Variants in SLC9A5 observed in about 807,000 individuals in gnomAD.
The protein encoded by SLC9A5 is sodium/hydrogen exchanger 5.
In SLC9A5, 52 loss-of-function variants were observed where a neutral mutation model predicts 91.7. The ratio of observed to expected loss-of-function variants is 0.57; its 90% CI spans 0.45 to 0.71. The LOEUF (loss-of-function observed/expected upper bound fraction) is 0.71, where lower values mean the gene tolerates loss of function less well. SLC9A5 is among the 30% of genes least tolerant of loss of function. SLC9A5 has a pLI of 0.00. For synonymous variants in SLC9A5, 419 were observed against 474.5 expected, an observed-to-expected ratio of 0.88 and a Z score of 1.52; for missense variants, 871 against 1,158.9, an observed-to-expected ratio of 0.75 and a Z score of 3.61.
chr16:67,261,785 G>C (rs1385617013), intron 12 of SLC9A5: 1 of 152,318 alleles, frequency 6.6e-6, no homozygotes, highest in Non-Finnish European at 1.5e-5. Flanking sequence ...CTGTATTCCA[G>C]TGGTGTTGTT....
chr16:67,261,956 G>GTGTA, intron 12 of SLC9A5: 1 of 269,600 alleles, frequency 3.7e-6, no homozygotes, highest in Non-Finnish European at 7.5e-6. Context: ...GTGTGTGTGT[G>GTGTA]TGTATGTGGT....
rs1029974507 is a variant in SLC9A5 at position 67,264,523 on chromosome 16, G to A, written c.2013+1G>A. 2 of 1,613,910 alleles carry A rather than the reference G, an allele frequency of 1.2e-6. No individual in the cohort carries two copies. Among genetic ancestry groups the A allele is most frequent in the Non-Finnish European group, 1.7e-6 (2 of 1,179,874 alleles). ...ACCCCGCAAGACTGGCCGCAGGAAG[G>A]CATGTCTTCCCTCAGGGACTCCTCT... On this transcript the variant is annotated splice_donor_variant, in intron 13 of 15. Transcript: ENST00000299798. LOFTEE classifies it high-confidence loss of function.
intron 14 of SLC9A5, among the ~76,000 whole-genome samples, chr16:67,265,567 C>T (rs531111306): frequency 5.3e-5 from 8 of 152,302 alleles, no homozygotes; most frequent in South Asian, 2.1e-4. Flanking sequence ...TACATGTGCA[C>T]GCCACCACAC....
At chr16:67,264,200 T>C in intron 12 of SLC9A5, 152 bp from the exon 13 acceptor site, 3 of 650,912 alleles carry the variant, frequency 4.6e-6, no homozygotes, top group South Asian at 3.9e-5. Context: ...TGGGTTCCTG[T>C]TGTATTTTTT....
chr16:67,268,951 A>G (rs2035834054), intron 15 of SLC9A5, among the ~76,000 whole-genome samples: 1 of 151,680 alleles, frequency 6.6e-6, no homozygotes, highest in African/African-American at 2.4e-5. Context: ...CAAAATGTCA[A>G]GTGTCAACTT....
Position 67,255,338 on chromosome 16 carries a change from G to A in SLC9A5, c.655-55G>A, listed in dbSNP as rs2035272364. On this transcript the variant is annotated intron_variant, in intron 3 of 15. Coordinates refer to ENST00000299798, the MANE Select transcript of SLC9A5 (RefSeq NM_004594.3). The surrounding 1 kb of genome is among the most constrained non-coding windows in gnomAD (Gnocchi z 4.9). ...TGCTCTCCCAGCAGTCTGTCTCCCA[G>A]CAGTCCCAGTTGCTGCCTTCCCGCC... 1.9e-6 allele frequency: 3 copies of A among 1,563,918 alleles called. No homozygotes were observed. The highest frequency in any genetic ancestry group is 2.6e-6 in the Non-Finnish European group (3 of 1,138,350).
At chr16:67,261,694 CTCTA>C (rs1244952071) in intron 12 of SLC9A5, 1 of 152,228 alleles carries the variant, frequency 6.6e-6, no homozygotes, top group Admixed American at 6.5e-5. Flanking sequence ...TTTTTCCCCT[CTCTA>C]TCTCCCTTGC....
Position 67,271,512 on chromosome 16 carries a change from C to A in SLC9A5, c.*302C>A, listed in dbSNP as rs1050834296. ...GACTTGGGTTGCTGGTCCCCCTTCCCTAGTGGGTTTTCCCGGGGACTCTAT... is the reference window on the plus strand; with the variant it reads ...GACTTGGGTTGCTGGTCCCCCTTCCATAGTGGGTTTTCCCGGGGACTCTAT... On this transcript the variant is annotated 3_prime_UTR_variant, in exon 16 of 16. Transcript: ENST00000299798. 3.3e-5 allele frequency: 14 copies of A among 421,148 alleles called. No individual in the cohort carries two copies. In the East Asian group the frequency reaches 5.6e-4, roughly 17 times the overall value. The allele number at this position is 421,148 out of a possible 1,614,324, so 26.1% of individuals were successfully genotyped here.
Position 67,256,081 on chromosome 16 carries a change from T to A in SLC9A5, c.911+151T>A. The A allele has an allele frequency of 1.2e-6, 1 of 827,382 alleles. No individual in the cohort carries two copies. The highest frequency in any genetic ancestry group is 1.9e-6 in the Non-Finnish European group (1 of 537,558). The allele number at this position is 827,382 out of a possible 1,614,324, so 51.3% of individuals were successfully genotyped here. A position where few individuals can be genotyped will look rare whatever the true frequency, so the allele number is the denominator to read the frequency against. ...GCCTCAGACTGTCCTGGGGAGTCAGTAAACCTCAGCAATATTTCAGGAGCT... is the reference window on the plus strand; with the variant it reads ...GCCTCAGACTGTCCTGGGGAGTCAGAAAACCTCAGCAATATTTCAGGAGCT... On this transcript the variant is annotated intron_variant, in intron 5 of 15. Transcript: ENST00000299798. This position sits in a 1 kb window ranked among gnomAD's most constrained non-coding sequence, Gnocchi z 4.1.
chr16:67,257,628 C>G lies in SLC9A5; in HGVS notation c.1496+27C>G. 1 of 1,606,344 alleles carries G rather than the reference C, an allele frequency of 6.2e-7. No homozygotes were observed. Among genetic ancestry groups the G allele is most frequent in the South Asian group, 1.1e-5 (1 of 90,894 alleles). ...TGAGGGAGCTGCCCCGAGGCTCCTT[C>G]AGCAGCAGCAGCCCCACCAGCCAGG... is the stretch of plus-strand genomic sequence containing the variant. On this transcript the variant is annotated intron_variant, in intron 9 of 15. Transcript: ENST00000299798. This position sits in a 1 kb window ranked among gnomAD's most constrained non-coding sequence, Gnocchi z 5.1.
Position 67,258,470 on chromosome 16 carries a change from G to A in SLC9A5, c.1626+23G>A. 1 of 1,613,830 alleles carries A rather than the reference G, an allele frequency of 6.2e-7. No homozygotes were observed. Among genetic ancestry groups the A allele is most frequent in the Admixed American group, 1.7e-5 (1 of 60,030 alleles). ...CAGGTGGGCCAGCAGCTTCCAGGTGGGCCAGTGGTGGGTGGGCAGATGGTC... is the reference window on the plus strand; with the variant it reads ...CAGGTGGGCCAGCAGCTTCCAGGTGAGCCAGTGGTGGGTGGGCAGATGGTC... On this transcript the variant is annotated intron_variant, in intron 10 of 15. Transcript: ENST00000299798. This position sits in a 1 kb window ranked among gnomAD's most constrained non-coding sequence, Gnocchi z 4.5.
Position 67,257,329 on chromosome 16 carries a change from T to A in SLC9A5, c.1336-16T>A, listed in dbSNP as rs765411607. 6.2e-7 allele frequency: 1 copy of A among 1,601,106 alleles called. No individual in the cohort carries two copies. Among genetic ancestry groups the A allele is most frequent in the South Asian group, 1.1e-5 (1 of 90,838 alleles). Reference sequence around the variant, plus strand: ...GAATAGGAATAGGGCAGGGCTCACCTCCTGCCTGTCCATAGGGCTTGACCA... The same window carrying A: ...GAATAGGAATAGGGCAGGGCTCACCACCTGCCTGTCCATAGGGCTTGACCA... On this transcript the variant is annotated splice_polypyrimidine_tract_variant and intron_variant, in intron 7 of 15. Transcript: ENST00000299798. This position sits in a 1 kb window ranked among gnomAD's most constrained non-coding sequence, Gnocchi z 5.1.
At position 67,257,895 on chromosome 16, in the gene SLC9A5, C is replaced by T. The variant is rs1467853440; in HGVS notation, c.1496+294C>T. Among the ~76,000 whole-genome samples the T allele has an allele frequency of 6.6e-6, 1 of 152,240 alleles. No homozygotes were observed. Among genetic ancestry groups the T allele is most frequent in the Non-Finnish European group, 1.5e-5 (1 of 68,052 alleles). On this transcript the variant is annotated intron_variant, in intron 9 of 15. Transcript: ENST00000299798. The surrounding 1 kb of genome is among the most constrained non-coding windows in gnomAD (Gnocchi z 5.1). ...GACCCTGTCTTAGATCCTCAGGACC[C>T]ACCATGCTCCCCCAGCCTGGCCACT... is the stretch of plus-strand genomic sequence containing the variant.
Position 67,257,212 on chromosome 16 carries a change from G to A in SLC9A5, c.1335+99G>A, listed in dbSNP as rs1413624753. The A allele has an allele frequency of 6.4e-6, 9 of 1,406,374 alleles. No individual in the cohort carries two copies. The Admixed American group carries it at 7.1e-5, about 11-fold the overall frequency. 87.1% of individuals were successfully genotyped at this position (1,406,374 alleles called of 1,614,324 possible). A position where few individuals can be genotyped will look rare whatever the true frequency, so the allele number is the denominator to read the frequency against. ...GGGGCTTCTCTTCCCGCTGGGAGATGGAGGGCCCTGACTTCCCAGACCTTG... is the reference window on the plus strand; with the variant it reads ...GGGGCTTCTCTTCCCGCTGGGAGATAGAGGGCCCTGACTTCCCAGACCTTG... On this transcript the variant is annotated intron_variant, in intron 7 of 15. Transcript: ENST00000299798. The surrounding 1 kb of genome is among the most constrained non-coding windows in gnomAD (Gnocchi z 5.1).
chr16:67,264,555 C>T, intron 13 of SLC9A5, 33 bp downstream of exon 13: 1 of 1,610,242 alleles, frequency 6.2e-7, no homozygotes, highest in Non-Finnish European at 8.5e-7. Flanking sequence ...CTCTTGGGAG[C>T]TGGAGGCTGA....
rs1012845771 is a variant in SLC9A5, at chr16:67,252,587, G to A, written c.233G>A (p.Cys78Tyr). The A allele has an allele frequency of 6.2e-7, 1 of 1,613,918 alleles. No homozygotes were observed. Among genetic ancestry groups the A allele is most frequent in the Non-Finnish European group, 8.5e-7 (1 of 1,180,008 alleles). Reference protein sequence around the residue: ...RKVTSLVPESCLLILLGLVLG... With the variant: ...RKVTSLVPESYLLILLGLVLG... Reference sequence around the variant, plus strand: ...GTAACATCTCTGGTCCCTGAGAGCTGCCTGCTGATTTTGCTGGGCCTGGTG... The same window carrying A: ...GTAACATCTCTGGTCCCTGAGAGCTACCTGCTGATTTTGCTGGGCCTGGTG... The change falls in exon 2 of 16, where the codon TGC becomes TAC. Residue 78 changes from cysteine to tyrosine, a missense_variant. Cys to Tyr is a radical substitution (Grantham distance 194, BLOSUM62 -2). Around this residue, in one of 3 missense-constraint regions of SLC9A5, gnomAD observed 122 missense variants for 114.5 expected, o/e 1.07. Transcript: ENST00000299798. The surrounding 1 kb of genome is among the most constrained non-coding windows in gnomAD (Gnocchi z 4.0).
In SLC9A5 at chr16:67,271,264, G is replaced by A; in HGVS notation, c.*54G>A. On this transcript the variant is annotated 3_prime_UTR_variant, in exon 16 of 16. Transcript: ENST00000299798. Reference sequence around the variant, plus strand: ...GGAATCCCTGTGGGAAGTGCTCCCTGGGTGATGGGTAGAGCCCTCGAAACT... The same window carrying A: ...GGAATCCCTGTGGGAAGTGCTCCCTAGGTGATGGGTAGAGCCCTCGAAACT... The A allele has an allele frequency of 1.4e-6, 2 of 1,468,028 alleles. No individual in the cohort carries two copies. The highest frequency in any genetic ancestry group is 1.9e-6 in the Non-Finnish European group (2 of 1,074,492). The allele number at this position is 1,468,028 out of a possible 1,614,324, so 90.9% of individuals were successfully genotyped here. A position where few individuals can be genotyped will look rare whatever the true frequency, so the allele number is the denominator to read the frequency against.
chr16:67,256,436 C>T lies in SLC9A5; in HGVS notation c.912-33C>T, dbSNP rs1174663118. Reference sequence around the variant, plus strand: ...GGAGGCTGAGCCCCCTGGAACCCTTCCCCACTTGCCATGTCTCTCCATCCT... The same window carrying T: ...GGAGGCTGAGCCCCCTGGAACCCTTTCCCACTTGCCATGTCTCTCCATCCT... On this transcript the variant is annotated intron_variant, in intron 5 of 15. Coordinates refer to ENST00000299798, the MANE Select transcript of SLC9A5 (RefSeq NM_004594.3). This position sits in a 1 kb window ranked among gnomAD's most constrained non-coding sequence, Gnocchi z 4.1. 14 of 1,506,842 alleles carry T rather than the reference C, an allele frequency of 9.3e-6. No individual in the cohort carries two copies. Among genetic ancestry groups the T allele is most frequent in the Non-Finnish European group, 1.3e-5 (14 of 1,092,804 alleles). The allele number at this position is 1,506,842 out of a possible 1,614,324, so 93.3% of individuals were successfully genotyped here.
rs1371109669 is a variant in SLC9A5 at position 67,252,150 on chromosome 16, T to C, written c.188-392T>C. On this transcript the variant is annotated intron_variant, in intron 1 of 15. Transcript: ENST00000299798. The surrounding 1 kb of genome is among the most constrained non-coding windows in gnomAD (Gnocchi z 4.0). ...GTCTTGCATATTTCTCCTCCCTTGG[T>C]CCCAGTCTTAGAAGGTTGGCCAGGC... Among the ~76,000 whole-genome samples the C allele has an allele frequency of 6.6e-6, 1 of 152,104 alleles. No homozygotes were observed. The highest frequency in any genetic ancestry group is 1.5e-5 in the Non-Finnish European group (1 of 68,024).
Sources: gnomAD v4.1 joint callset for allele counts (sites outside exome capture counted in the v4.1 genomes callset) on GRCh38, gnomAD v4.1.1 for gene constraint, gnomAD v4.1.1 regional missense constraint, Gnocchi (gnomAD v3.1) non-coding constraint, MANE v1.5 for transcripts, NCBI Gene and HGNC (gene_info 2026-07-23, HGNC 2026-07-21) for gene names.